The following ADCY9 variants were observed in gnomAD, a reference collection of about 807,000 sequenced individuals.
ADCY9 encodes adenylate cyclase type 9.
A neutral mutation model predicts 101.5 loss-of-function variants in ADCY9; 50 were observed. The observed-to-expected ratio is 0.49, with a 90% confidence interval of 0.39 to 0.62. The LOEUF (loss-of-function observed/expected upper bound fraction) is 0.62. Among genes scored for constraint, ADCY9 ranks in the 20% least tolerant of loss-of-function variants. The pLI is 0.00. For synonymous variants in ADCY9, 905 were observed against 769.3 expected, an observed-to-expected ratio of 1.18 and a Z score of -2.92; for missense variants, 1,662 against 1,800.4, an observed-to-expected ratio of 0.92 and a Z score of 1.39.
chr16:3,963,125 TATATATATATATATATATG>T lies in ADCY9; in HGVS notation c.*2631_*2649del. ...ATATATATATATATATATATATATA[TATATATATATATATATATG>T]GATATATAATTCGATCTGAGCTGGG... On this transcript the variant is annotated 3_prime_UTR_variant, in exon 11 of 11. Transcript: ENST00000294016. The T allele has an allele frequency of 1.3e-5, 2 of 150,450 alleles. No homozygotes were observed. Among genetic ancestry groups the T allele is most frequent in the Non-Finnish European group, 2.6e-5 (2 of 77,244 alleles). 9.3% of individuals were successfully genotyped at this position (150,450 alleles called of 1,614,324 possible).
chr16:4,056,196 C>A (rs142587355), intron 2 of ADCY9, among the ~76,000 whole-genome samples: 1 of 152,312 alleles, frequency 6.6e-6, no homozygotes, highest in East Asian at 1.9e-4. Flanking sequence ...TAGAAGATCT[C>A]CAGGCCCAGC....
At chr16:3,985,982 G>GAT (rs112037426) in intron 6 of ADCY9, among the ~76,000 whole-genome samples, 1 of 151,740 alleles carries the variant, frequency 6.6e-6, no homozygotes, top group Non-Finnish European at 1.5e-5. Context: ...CTCCCCATGG[G>GAT]CGAAACCCAG....
Position 4,114,174 on chromosome 16 carries a change from G to A in ADCY9, c.1269C>T (p.Phe423=), listed in dbSNP as rs1335692348. 9 of 1,613,896 alleles carry A rather than the reference G, an allele frequency of 5.6e-6. 1 individual carries two copies. The highest frequency in any genetic ancestry group is 2.2e-5 in the South Asian group (2 of 91,080). ...HALVGLLNDL[F]GRFDRLCEET... is the part of the protein sequence containing the mutation. The stretch of plus-strand genomic sequence containing the variant: ...CCTCACACAGGCGGTCGAAGCGACC[G>A]AACAGATCGTTCAGGAGACCCACCA... The change falls in exon 2 of 11, where the codon TTC becomes TTT. Residue 423 remains phenylalanine (F), a synonymous_variant. Transcript: ENST00000294016. The surrounding 1 kb of genome is among the most constrained non-coding windows in gnomAD (Gnocchi z 4.3).
chr16:4,081,972 A>T (rs1027406215), intron 2 of ADCY9, among the ~76,000 whole-genome samples: 1 of 151,972 alleles, frequency 6.6e-6, no homozygotes, highest in African/African-American at 2.4e-5. Flanking sequence ...AGAAAAAGGG[A>T]TTGAGGCCAA....
intron 2 of ADCY9, among the ~76,000 whole-genome samples, chr16:4,023,513 G>T (rs2056492596): frequency 6.6e-6 from 1 of 152,202 alleles, no homozygotes; most frequent in Non-Finnish European, 1.5e-5. Flanking sequence ...GTCCCAGCAT[G>T]CTCACGTGGC....
At chr16:4,014,325 GAAA>G (rs71394639) in intron 2 of ADCY9, among the ~76,000 whole-genome samples, 2 of 68,982 alleles carry the variant, frequency 2.9e-5, no homozygotes, top group Non-Finnish European at 5.9e-5. Context: ...TCTCAAAAAA[GAAA>G]AAAAAAAAAA....
chr16:4,033,541 C>T (rs954367079), intron 2 of ADCY9, among the ~76,000 whole-genome samples: 1 of 151,828 alleles, frequency 6.6e-6, no homozygotes, highest in African/African-American at 2.4e-5. Context: ...TCAAGCGACT[C>T]CCCTGCCTCA....
intron 2 of ADCY9, among the ~76,000 whole-genome samples, chr16:4,110,492 C>A (rs891639611): frequency 6.8e-6 from 1 of 146,712 alleles, no homozygotes; most frequent in Non-Finnish European, 1.5e-5. Context: ...TGGGTTCAAG[C>A]GATTCTTCTG....
At chr16:4,031,787 G>A (rs1214755839) in intron 2 of ADCY9, among the ~76,000 whole-genome samples, 1 of 151,918 alleles carries the variant, frequency 6.6e-6, no homozygotes. Flanking sequence ...AGAGGTGAGA[G>A]GATCATCTGA....
chr16:3,998,948 C>G (rs1227383923), intron 3 of ADCY9, among the ~76,000 whole-genome samples: 1 of 151,916 alleles, frequency 6.6e-6, no homozygotes, highest in Non-Finnish European at 1.5e-5. Context: ...TCCTACCCCC[C>G]AACCCCCATG....
At chr16:4,018,951 T>TTGTGTGTGTGTCTGTGTGTG (rs1555509537) in intron 2 of ADCY9, among the ~76,000 whole-genome samples, 1 of 138,834 alleles carries the variant, frequency 7.2e-6, no homozygotes, top group African/African-American at 2.6e-5. Flanking sequence ...AGAATCGCAG[T>TTGTGTGTGTGTCTGTGTGTG]TGTGTGTGTG....
rs566108891 is a variant in ADCY9 at position 3,992,661 on chromosome 16, A to G, written c.1990-298T>C. 1.3e-5 allele frequency among the ~76,000 whole-genome samples: 2 copies of G among 152,000 alleles called. No individual in the cohort carries two copies. The highest frequency in any genetic ancestry group is 4.2e-4 in the South Asian group (2 of 4,812). On this transcript the variant is annotated intron_variant, in intron 4 of 10. Transcript: ENST00000294016. The surrounding 1 kb of genome is among the most constrained non-coding windows in gnomAD (Gnocchi z 4.2). ...GTGCGGAGGTGGAGGGGAAGGGAGG[A>G]AAGTGAGGAGCCGAGGCCCCCAGAG...
At position 3,985,190 on chromosome 16, in the gene ADCY9, A is replaced by G. The variant is rs1234419230; in HGVS notation, c.2311-1750T>C. ...TGGGATCTGGCTGTCGCCAGGCTGGAGTGCAGTGGCGCGATCTTGGCTCAC... is the reference window on the plus strand; with the variant it reads ...TGGGATCTGGCTGTCGCCAGGCTGGGGTGCAGTGGCGCGATCTTGGCTCAC... On this transcript the variant is annotated intron_variant, in intron 6 of 10. Transcript: ENST00000294016. Among the ~76,000 whole-genome samples, 9 of 123,362 alleles carry G rather than the reference A, an allele frequency of 7.3e-5. No individual in the cohort carries two copies. In the Admixed American group the frequency reaches 7.6e-4, roughly 10 times the overall value. The allele number at this position is 123,362 out of a possible 152,430, so 80.9% of individuals were successfully genotyped here.
intron 2 of ADCY9, among the ~76,000 whole-genome samples, chr16:4,046,380 T>G (rs2056664995): frequency 6.6e-6 from 1 of 151,006 alleles, no homozygotes; most frequent in African/African-American, 2.4e-5. Context: ...ATGGGCAGAG[T>G]CACAATTCTC....
intron 2 of ADCY9, among the ~76,000 whole-genome samples, chr16:4,050,902 G>C (rs2056697025): frequency 6.6e-6 from 1 of 151,996 alleles, no homozygotes; most frequent in Non-Finnish European, 1.5e-5. Context: ...AAAGTTCCGG[G>C]TGAGCCTAGA....
At chr16:3,983,736 G>A (rs967197872) in intron 6 of ADCY9, 17 of 425,104 alleles carry the variant, frequency 4.0e-5, no homozygotes, top group South Asian at 2.5e-4. Context: ...CCCGGCCAGC[G>A]TAACACAGTG....
chr16:3,953,732 A>G (rs2238426), intron 5 of ADCY9, among the ~76,000 whole-genome samples: 56,988 of 152,170 alleles, frequency 0.37, 12,250 homozygotes, highest in Non-Finnish European at 0.49. Flanking sequence ...GTGTGTGGAA[A>G]AAACGCCGGT....
Position 4,113,931 on chromosome 16 carries a change from C to T in ADCY9, c.1512G>A (p.Arg504=), listed in dbSNP as rs748890582. The T allele has an allele frequency of 6.2e-7, 1 of 1,614,154 alleles. No homozygotes were observed. The highest frequency in any genetic ancestry group is 8.5e-7 in the Non-Finnish European group (1 of 1,180,042). The change falls in exon 2 of 11, where the codon AGG becomes AGA. Residue 504 remains arginine (R), a synonymous_variant. Coordinates refer to ENST00000294016, the MANE Select transcript of ADCY9 (RefSeq NM_001116.4). ...CGTTGGACCACACGTCAAATTTAAACCTCCTCATGCCCAGGATGCCGCAAA... is the reference window on the plus strand; with the variant it reads ...CGTTGGACCACACGTCAAATTTAAATCTCCTCATGCCCAGGATGCCGCAAA... The part of the protein sequence containing the change: ...TVLCGILGMR[R]FKFDVWSNDV...
rs565213735 is a variant in ADCY9, at chr16:4,075,668, G to A, written c.1693+38082C>T. 3.3e-5 allele frequency among the ~76,000 whole-genome samples: 5 copies of A among 152,224 alleles called. No homozygotes were observed. In the South Asian group the frequency reaches 6.2e-4, roughly 19 times the overall value. ...AATGTGTCCTGGAGAGCTCAGTGAA[G>A]GGGAGACACAACTCCAAAGACCCAT... On this transcript the variant is annotated intron_variant, in intron 2 of 10. Transcript: ENST00000294016.
Sources: allele counts gnomAD v4.1 joint callset (sites outside exome capture counted in the v4.1 genomes callset), GRCh38; gene constraint gnomAD v4.1.1; non-coding constraint Gnocchi (gnomAD v3.1); transcripts MANE v1.5; gene names NCBI Gene and HGNC (gene_info 2026-07-23, HGNC 2026-07-21).